PRUNE2: variants seen among roughly 807,000 people sequenced by gnomAD.
PRUNE2 encodes prune homolog 2 with BCH domain.
A neutral mutation model predicts 252.0 loss-of-function variants in PRUNE2; 164 were observed. The observed-to-expected ratio is 0.65, with a 90% CI of 0.57 to 0.74. The LOEUF (loss-of-function observed/expected upper bound fraction) is 0.74. Among genes scored for constraint, PRUNE2 ranks in the 30% least tolerant of loss-of-function variants. The pLI, the probability that PRUNE2 is intolerant of heterozygous loss-of-function variation, is 0.00. For missense variants in PRUNE2, 3,495 were observed against 3,711.0 expected, an observed-to-expected ratio of 0.94 and a Z score of 1.51; for synonymous variants, 1,292 against 1,350.2, an observed-to-expected ratio of 0.96 and a Z score of 0.94.
chr9:76,649,524 G>A (rs976973411), intron 11 of PRUNE2, among the ~76,000 whole-genome samples: 2 of 152,016 alleles, frequency 1.3e-5, no homozygotes, highest in Non-Finnish European at 2.9e-5. Flanking sequence ...TGGTCGAGGT[G>A]GCAGTGGGCT....
chr9:76,704,623 G>T, intron 8 of PRUNE2, 138 bp downstream of exon 8: 1 of 636,400 alleles, frequency 1.6e-6, no homozygotes, highest in Non-Finnish European at 2.7e-6. Flanking sequence ...TATAATACAG[G>T]ACTTAGTGAG....
intron 15 of PRUNE2, among the ~76,000 whole-genome samples, chr9:76,634,327 A>T (rs892524793): frequency 6.6e-6 from 1 of 152,236 alleles, no homozygotes; most frequent in Admixed American, 6.5e-5. Context: ...GCCTTACAGT[A>T]ACAAATGTTT....
Position 76,614,598 on chromosome 9 carries a change from A to G in PRUNE2, c.9239T>C (p.Ile3080Thr), listed in dbSNP as rs1192954380. 6 of 1,610,734 alleles carry G rather than the reference A, an allele frequency of 3.7e-6. No homozygotes were observed. Among genetic ancestry groups the G allele is most frequent in the African/African-American group, 1.3e-5 (1 of 74,880 alleles). Residue 3080 changes from isoleucine to threonine, a missense_variant and splice_region_variant, in exon 19 of 19, where the codon ATT (isoleucine) becomes ACT (threonine). By Grantham distance (89) the Ile-to-Thr change is moderately conservative. Transcript: ENST00000376718. ...AGGCTTTTCTTTCAGCTTCAAGTCA[A>G]TACTGCAAAGAAAAGAAAAAGAGAG... ...DPEMSSMEKD[I>T]DLKLKEKP
At chr9:76,618,078 T>C (rs1830511756) in intron 18 of PRUNE2, among the ~76,000 whole-genome samples, 1 of 152,238 alleles carries the variant, frequency 6.6e-6, no homozygotes, top group African/African-American at 2.4e-5. Context: ...AATAGCTGTG[T>C]GATTTCAAAG....
chr9:76,705,025 G>C lies in PRUNE2; in HGVS notation c.7249C>G (p.Pro2417Ala), dbSNP rs1392598953. Reference sequence around the variant, plus strand: ...CTGCATCCCAGAGATTCATCCTCTGGAGACCCAGCTTCCTCTATTGTTTCA... The same window carrying C: ...CTGCATCCCAGAGATTCATCCTCTGCAGACCCAGCTTCCTCTATTGTTTCA... ...SAETIEEAGSPEDESLGCRAA... is the reference protein window; with the variant it reads ...SAETIEEAGSAEDESLGCRAA... The change falls in exon 8 of 19, where the codon CCA becomes GCA. Residue 2417 changes from proline to alanine, a missense_variant. Physicochemically the swap from Pro to Ala is conservative, Grantham distance 27. Transcript: ENST00000376718. 6.2e-7 allele frequency: 1 copy of C among 1,613,838 alleles called. No homozygotes were observed. The highest frequency in any genetic ancestry group is 8.5e-7 in the Non-Finnish European group (1 of 1,179,882).
At position 76,677,541 on chromosome 9, in the gene PRUNE2, C is replaced by T. The variant is rs750458502; in HGVS notation, c.8277-22039G>A. Among the ~76,000 whole-genome samples, 4 of 152,234 alleles carry T rather than the reference C, an allele frequency of 2.6e-5. No homozygotes were observed. The South Asian group carries it at 6.2e-4, about 24-fold the overall frequency. ...CCGCAGAGGCTGAGGGCGCTGCTGG[C>T]AGCCGGCCCTCTGTGGACATTTGCT... On this transcript the variant is annotated intron_variant, in intron 9 of 18. Transcript: ENST00000376718.
chr9:76,713,020 T>C (rs949981242), intron 7 of PRUNE2, among the ~76,000 whole-genome samples: 1 of 152,190 alleles, frequency 6.6e-6, no homozygotes, highest in African/African-American at 2.4e-5. Context: ...ATATTAGTTA[T>C]TAAGTACACC....
At chr9:76,669,568 C>T (rs188571377) in intron 9 of PRUNE2, among the ~76,000 whole-genome samples, 19 of 152,298 alleles carry the variant, frequency 1.2e-4, no homozygotes, top group Non-Finnish European at 2.5e-4. Context: ...GATCCACCCA[C>T]GTTAGCCTCC....
intron 1 of PRUNE2, 135 bp downstream of exon 1, chr9:76,905,793 A>C: frequency 8.8e-7 from 1 of 1,141,484 alleles, no homozygotes; most frequent in Admixed American, 1.7e-5. Context: ...GATTTCTTCC[A>C]GGAGACAACC....
At chr9:76,838,645 C>CAAAAAAAAAAA (rs10540002) in intron 4 of PRUNE2, among the ~76,000 whole-genome samples, 2 of 84,676 alleles carry the variant, frequency 2.4e-5, no homozygotes, top group African/African-American at 3.9e-5. Flanking sequence ...AACTCTGTCT[C>CAAAAAAAAAAA]AAAAAAAAAA....
chr9:76,640,819 A>G (rs1004156883), intron 12 of PRUNE2, among the ~76,000 whole-genome samples: 26 of 152,262 alleles, frequency 1.7e-4, no homozygotes, highest in African/African-American at 2.9e-4. Flanking sequence ...GTTCATTAAA[A>G]GAGACAACAG....
At chr9:76,855,107 A>T (rs1204476180) in intron 1 of PRUNE2, among the ~76,000 whole-genome samples, 1 of 144,542 alleles carries the variant, frequency 6.9e-6, no homozygotes, top group Non-Finnish European at 1.5e-5. Context: ...ATATATAGTC[A>T]CCCCTCTGGA....
chr9:76,727,638 T>C (rs2048210005), intron 6 of PRUNE2, among the ~76,000 whole-genome samples: 1 of 147,304 alleles, frequency 6.8e-6, no homozygotes, highest in South Asian at 2.1e-4. Flanking sequence ...TCTTTCTTCT[T>C]CTTCTTCTTT....
At chr9:76,781,661 ATTAC>A (rs1213188148) in intron 6 of PRUNE2, among the ~76,000 whole-genome samples, 2 of 152,208 alleles carry the variant, frequency 1.3e-5, no homozygotes, top group Non-Finnish European at 2.9e-5. Flanking sequence ...TATATGCATG[ATTAC>A]TTGTTTAATG....
chr9:76,681,365 AT>A (rs2043407772), intron 9 of PRUNE2, among the ~76,000 whole-genome samples: 1 of 151,908 alleles, frequency 6.6e-6, no homozygotes, highest in African/African-American at 2.4e-5. Flanking sequence ...AGGCACGGCA[AT>A]GTGAATGTAC....
chr9:76,628,855 T>TG (rs2132295015), intron 16 of PRUNE2, among the ~76,000 whole-genome samples: 1 of 151,958 alleles, frequency 6.6e-6, no homozygotes, highest in African/African-American at 2.4e-5. Flanking sequence ...CACACACTTT[T>TG]TTTTTTTTTT....
Position 76,704,895 on chromosome 9 carries a change from AT to A in PRUNE2, c.7378del (p.Ile2460PhefsTer12). On this transcript the variant is annotated frameshift_variant, in exon 8 of 19. Coordinates refer to ENST00000376718, the MANE Select transcript of PRUNE2 (RefSeq NM_015225.3). LOFTEE classifies it high-confidence loss of function. ...LPGSQLAVLH[I>X]REDPESVYLP... ...ATAAACGGACTCAGGGTCTTCACGA[AT>A]ATGCAGCACAGCCAGCTGGGATCCA... The A allele has an allele frequency of 1.2e-6, 2 of 1,610,258 alleles. No homozygotes were observed. Among genetic ancestry groups the A allele is most frequent in the Non-Finnish European group, 1.7e-6 (2 of 1,178,054 alleles).
intron 9 of PRUNE2, among the ~76,000 whole-genome samples, chr9:76,688,163 A>G (rs2044300002): frequency 6.6e-6 from 1 of 152,172 alleles, no homozygotes; most frequent in Non-Finnish European, 1.5e-5. Flanking sequence ...AGGAAGTAAG[A>G]GCCTGACCAG....
At chr9:76,742,617 A>T (rs777798671) in intron 6 of PRUNE2, among the ~76,000 whole-genome samples, 1 of 148,358 alleles carries the variant, frequency 6.7e-6, no homozygotes, top group Non-Finnish European at 1.5e-5. Context: ...AACCTATCTC[A>T]AAAAAAAAAG....
Sources: allele counts gnomAD v4.1 joint callset (sites outside exome capture counted in the v4.1 genomes callset), GRCh38; gene constraint gnomAD v4.1.1; transcripts MANE v1.5; gene names NCBI Gene and HGNC (gene_info 2026-07-23, HGNC 2026-07-21).